CYP26C1: variants seen among roughly 807,000 people sequenced by gnomAD.
The protein encoded by CYP26C1 is cytochrome P450 26C1.
A neutral mutation model predicts 39.1 loss-of-function variants in CYP26C1; 41 were observed. That is an observed-to-expected ratio of 1.05 (90% CI 0.82 to 1.36). CYP26C1 has a LOEUF of 1.36. CYP26C1 is among the 40% of genes most tolerant of loss of function. The pLI, the probability that CYP26C1 is intolerant of heterozygous loss-of-function variation, is 0.00. For synonymous variants in CYP26C1, 362 were observed against 350.8 expected (o/e 1.03, Z -0.36); for missense variants, 833 against 752.0 (o/e 1.11, Z -1.26).
chr10:93,062,871 C>T lies in CYP26C1; in HGVS notation c.581C>T (p.Ala194Val), dbSNP rs779223251. Residue 194 changes from alanine to valine, a missense_variant, in exon 3 of 6, where the codon GCG becomes GTG. Coordinates refer to ENST00000651965, the MANE Select transcript of CYP26C1 (RefSeq NM_183374.3). ...AAAGCGCTCACCTTCCGCATGGCCG[C>T]GCGCATCCTGCTGGGGTTGCGGCTG... ...ASKALTFRMA[A>V]RILLGLRLDE... The T allele has an allele frequency of 6.2e-7, 1 of 1,603,680 alleles. No homozygotes were observed. Among genetic ancestry groups the T allele is most frequent in the Non-Finnish European group, 8.5e-7 (1 of 1,179,084 alleles).
chr10:93,068,490 C>T lies in CYP26C1; in HGVS notation c.1362C>T (p.Gly454=). ...SSRFHYIPFG[G]GARSCLGQEL... The stretch of plus-strand genomic sequence containing the variant: ...GCTTCCATTACATCCCGTTCGGCGG[C>T]GGTGCGCGCAGCTGCCTCGGCCAGG... The change falls in exon 6 of 6, where the codon GGC becomes GGT. Residue 454 remains glycine (G), a synonymous_variant. Coordinates refer to ENST00000651965, the MANE Select transcript of CYP26C1 (RefSeq NM_183374.3). The T allele has an allele frequency of 1.2e-6, 2 of 1,607,100 alleles. No individual in the cohort carries two copies. The highest frequency in any genetic ancestry group is 1.3e-5 in the African/African-American group (1 of 74,926).
Position 93,068,627 on chromosome 10 carries a change from C to A in CYP26C1, c.1499C>A (p.Pro500Gln). The A allele has an allele frequency of 6.2e-7, 1 of 1,600,352 alleles. No individual in the cohort carries two copies. Among genetic ancestry groups the A allele is most frequent in the Non-Finnish European group, 8.5e-7 (1 of 1,174,012 alleles). ...ATGCAGACGGTGCCCATCGTGCACC[C>A]AGTGGACGGGCTGCGGCTCTTTTTC... The part of the protein sequence containing the change: ...PAMQTVPIVH[P>Q]VDGLRLFFHP... Residue 500 changes from proline to glutamine, a missense_variant, in exon 6 of 6, where the codon CCA becomes CAA. Pro to Gln is a moderately conservative substitution (Grantham distance 76, BLOSUM62 -1). Coordinates refer to ENST00000651965, the MANE Select transcript of CYP26C1 (RefSeq NM_183374.3).
rs1489147277 is a variant in CYP26C1, at chr10:93,066,174, C to T, written c.1080C>T (p.Leu360=). Residue 360 remains leucine, a synonymous_variant, in exon 5 of 6, where the codon CTC becomes CTT. Coordinates refer to ENST00000651965, the MANE Select transcript of CYP26C1 (RefSeq NM_183374.3). ...PDCGCEPDLS[L]AALGRLRYVD... Reference sequence around the variant, plus strand: ...GCGGCTGCGAGCCCGACCTCAGCCTCGCGGCGCTGGGCCGTCTGCGCTACG... The same window carrying T: ...GCGGCTGCGAGCCCGACCTCAGCCTTGCGGCGCTGGGCCGTCTGCGCTACG... 2.8e-6 allele frequency: 4 copies of T among 1,442,752 alleles called. No individual in the cohort carries two copies. In the African/African-American group the frequency reaches 4.4e-5, roughly 16 times the overall value. 89.4% of individuals were successfully genotyped at this position (1,442,752 alleles called of 1,614,324 possible).
intron 3 of CYP26C1, chr10:93,064,098 C>T (rs1489464032): frequency 4.2e-6 from 5 of 1,199,376 alleles, no homozygotes; most frequent in Admixed American, 3.8e-5. Context: ...TGGGCAATTG[C>T]TTGACCTCTC....
chr10:93,061,871 C>T, intron 1 of CYP26C1, 139 bp from the exon 2 acceptor site: 1 of 771,940 alleles, frequency 1.3e-6, no homozygotes, highest in Non-Finnish European at 2.1e-6. Context: ...GAGTAGATAC[C>T]AGGCCCACTG....
chr10:93,065,943 G>T lies in CYP26C1; in HGVS notation c.862-13G>T. 1 of 1,573,838 alleles carries T rather than the reference G, an allele frequency of 6.4e-7. No homozygotes were observed. The highest frequency in any genetic ancestry group is 1.1e-5 in the South Asian group (1 of 87,560). On this transcript the variant is annotated splice_polypyrimidine_tract_variant and intron_variant, in intron 4 of 5. Transcript: ENST00000651965. ...CCGCCCGAGACTCAGTGCAGCCCGG[G>T]GCTGTCTTGCAGGAGTCGGCTGTGG...
intron 1 of CYP26C1, 30 bp downstream of exon 1, chr10:93,061,497 T>TA: frequency 1.9e-6 from 3 of 1,547,792 alleles, no homozygotes; most frequent in Non-Finnish European, 2.6e-6. Context: ...CGAGCGCTAA[T>TA]ACGGTCCCTT....
intron 3 of CYP26C1, chr10:93,063,866 G>A: frequency 1.0e-6 from 1 of 985,998 alleles, no homozygotes; most frequent in Non-Finnish European, 1.2e-6. Flanking sequence ...CCGGGGGAAT[G>A]CTTTTGCTGC....
rs1209556768 is a variant in CYP26C1 at position 93,062,658 on chromosome 10, C to A, written c.430-62C>A. The A allele has an allele frequency of 1.6e-5, 21 of 1,345,354 alleles. No individual in the cohort carries two copies. The East Asian group carries it at 5.1e-4, about 33-fold the overall frequency. 83.3% of individuals were successfully genotyped at this position (1,345,354 alleles called of 1,614,324 possible). On this transcript the variant is annotated intron_variant, in intron 2 of 5. Transcript: ENST00000651965. ...GACCGGAACTGGCCTTCTGGCTACTCCGGAATCGCCAAGCAGATGAGGCCA... is the reference window on the plus strand; with the variant it reads ...GACCGGAACTGGCCTTCTGGCTACTACGGAATCGCCAAGCAGATGAGGCCA...
Position 93,068,815 on chromosome 10 carries a change from T to A in CYP26C1, c.*118T>A. ...CACTCTTTCACTCGTTCAACAATCT[T>A]TCAACAAATGTTCGCCAAACGCGGA... On this transcript the variant is annotated 3_prime_UTR_variant, in exon 6 of 6. Coordinates refer to ENST00000651965, the MANE Select transcript of CYP26C1 (RefSeq NM_183374.3). The A allele has an allele frequency of 7.2e-6, 10 of 1,385,304 alleles. No homozygotes were observed. The highest frequency in any genetic ancestry group is 7.5e-6 in the Non-Finnish European group (8 of 1,064,476). 85.8% of individuals were successfully genotyped at this position (1,385,304 alleles called of 1,614,324 possible). A position where few individuals can be genotyped will look rare whatever the true frequency, so the allele number is the denominator to read the frequency against.
chr10:93,062,536 GT>G (rs527685777), intron 2 of CYP26C1, among the ~76,000 whole-genome samples, 183 bp from the exon 3 acceptor site: 21 of 152,364 alleles, frequency 1.4e-4, no homozygotes, highest in African/African-American at 5.0e-4. Flanking sequence ...AGCCTGGATG[GT>G]TGGGAGGGAC....
At chr10:93,063,018 C>G in intron 3 of CYP26C1, 23 bp downstream of exon 3, 2 of 1,522,968 alleles carry the variant, frequency 1.3e-6, no homozygotes, top group Non-Finnish European at 1.8e-6. Flanking sequence ...CGGCTCCAGA[C>G]CTTCCTCCGA....
chr10:93,065,136 A>G (rs1280909071), intron 4 of CYP26C1, among the ~76,000 whole-genome samples: 2 of 152,228 alleles, frequency 1.3e-5, no homozygotes, highest in East Asian at 1.9e-4. Context: ...TTGCTTGAGC[A>G]CCCAAAAAGG....
chr10:93,062,185 C>T lies in CYP26C1; in HGVS notation c.380C>T (p.Ser127Leu), dbSNP rs1347094731. Residue 127 changes from serine to leucine, a missense_variant, in exon 2 of 6, where the codon TCG (serine) becomes TTG (leucine). Transcript: ENST00000651965. ...CAGAGTGCGCACATCCTGCTGGGCT[C>T]GCACACACTGCTAGGTGCGGTCGGC... is the stretch of plus-strand genomic sequence containing the variant. ...WPQSAHILLG[S>L]HTLLGAVGEP... 3.3e-6 allele frequency: 5 copies of T among 1,536,388 alleles called. No individual in the cohort carries two copies. The Admixed American group carries it at 5.9e-5, about 18-fold the overall frequency.
rs1180942482 is a variant in CYP26C1, at chr10:93,062,046, G to T, written c.241G>T (p.Gly81Trp). The change falls in exon 2 of 6, where the codon GGG (glycine) becomes TGG (tryptophan). Residue 81 changes from glycine to tryptophan, a missense_variant. By Grantham distance (184) the Gly-to-Trp change is radical. Coordinates refer to ENST00000651965, the MANE Select transcript of CYP26C1 (RefSeq NM_183374.3). The part of the protein sequence containing the change: ...RFHSSRRERY[G>W]TVFKTHLLGR... ...CCACAGTTCTCGCCGAGAGCGCTAT[G>T]GGACAGTGTTCAAGACGCACCTGCT... 2.5e-6 allele frequency: 4 copies of T among 1,578,228 alleles called. No individual in the cohort carries two copies. The African/African-American group carries it at 5.4e-5, about 21-fold the overall frequency.
intron 3 of CYP26C1, chr10:93,063,542 AC>A: frequency 7.1e-6 from 7 of 985,108 alleles, no homozygotes; most frequent in Non-Finnish European, 8.4e-6. Flanking sequence ...AATGGGCAGG[AC>A]CCGGAGAGCA....
chr10:93,067,838 G>A (rs1452070559), intron 5 of CYP26C1, among the ~76,000 whole-genome samples: 1 of 152,148 alleles, frequency 6.6e-6, no homozygotes, highest in Non-Finnish European at 1.5e-5. Flanking sequence ...AGGATGGCAA[G>A]TTTTCAGTTC....
In CYP26C1 at chr10:93,062,941, C is replaced by T. The variant is rs758920175; in HGVS notation, c.651C>T (p.Leu217=). ...CATLARTFEQ[L]VENLFSLPLD... is the part of the protein sequence containing the mutation. Reference sequence around the variant, plus strand: ...CGCTGGCCCGGACCTTCGAGCAGCTCGTGGAGAACCTCTTCTCACTGCCTC... The same window carrying T: ...CGCTGGCCCGGACCTTCGAGCAGCTTGTGGAGAACCTCTTCTCACTGCCTC... The change falls in exon 3 of 6, where the codon CTC becomes CTT. Residue 217 remains leucine (L), a synonymous_variant. Transcript: ENST00000651965. The T allele has an allele frequency of 6.2e-7, 1 of 1,603,114 alleles. No individual in the cohort carries two copies. Among genetic ancestry groups the T allele is most frequent in the South Asian group, 1.1e-5 (1 of 90,262 alleles).
intron 5 of CYP26C1, among the ~76,000 whole-genome samples, chr10:93,067,470 G>A (rs749423559): frequency 7.2e-5 from 11 of 152,198 alleles, no homozygotes; most frequent in Non-Finnish European, 1.5e-4. Flanking sequence ...AGACCTTAGG[G>A]AAGCACAGAA....
Sources: gnomAD v4.1 joint callset for allele counts (sites outside exome capture counted in the v4.1 genomes callset) on GRCh38, gnomAD v4.1.1 for gene constraint, MANE v1.5 for transcripts, NCBI Gene and HGNC (gene_info 2026-07-23, HGNC 2026-07-21) for gene names.